The following OGFRL1 variants were observed in gnomAD, a reference collection of about 807,000 sequenced individuals.
OGFRL1 encodes the protein opioid growth factor receptor-like protein 1.
In OGFRL1, 26 loss-of-function variants were observed where a neutral mutation model predicts 32.4. That is an observed-to-expected ratio of 0.80 (90% CI 0.59 to 1.11). OGFRL1 has a LOEUF of 1.11. OGFRL1 is among the 50% of genes most tolerant of loss of function. OGFRL1 has a pLI of 0.00. For synonymous variants in OGFRL1, 211 were observed against 201.2 expected (o/e 1.05, Z -0.41); for missense variants, 521 against 546.4 (o/e 0.95, Z 0.46).
intron 6 of OGFRL1, among the ~76,000 whole-genome samples, chr6:71,300,051 T>G (rs1307301247): frequency 6.6e-6 from 1 of 152,190 alleles, no homozygotes; most frequent in Non-Finnish European, 1.5e-5. Context: ...AACATCTTTC[T>G]CCCTGCTTCC....
At chr6:71,289,587 A>T (rs1487593207) in intron 1 of OGFRL1, 1 of 971,792 alleles carries the variant, frequency 1.0e-6, no homozygotes, top group South Asian at 4.8e-5. Context: ...AAAATTACTC[A>T]GAATAAGGTG....
chr6:71,298,000 G>T, intron 6 of OGFRL1, among the ~76,000 whole-genome samples: 1 of 128,236 alleles, frequency 7.8e-6, no homozygotes, highest in African/African-American at 3.0e-5. Context: ...TCCCCTTCCT[G>T]TGTCCATGTG....
chr6:71,299,049 A>G (rs1038717575), intron 6 of OGFRL1, among the ~76,000 whole-genome samples: 1 of 152,218 alleles, frequency 6.6e-6, no homozygotes, highest in Non-Finnish European at 1.5e-5. Flanking sequence ...GTACAAATAT[A>G]TGGACCAACC....
In OGFRL1 at chr6:71,306,799, TC is replaced by T. The variant is rs1450914082; in HGVS notation, c.*4752del. 6.6e-6 allele frequency: 1 copy of T among 152,232 alleles called. No individual in the cohort carries two copies. The highest frequency in any genetic ancestry group is 1.5e-5 in the Non-Finnish European group (1 of 68,030). The allele number at this position is 152,232 out of a possible 1,614,324, so 9.4% of individuals were successfully genotyped here. A position where few individuals can be genotyped will look rare whatever the true frequency, so the allele number is the denominator to read the frequency against. On this transcript the variant is annotated 3_prime_UTR_variant, in exon 7 of 7. Coordinates refer to ENST00000370435, the MANE Select transcript of OGFRL1 (RefSeq NM_024576.5). ...ATACTATAATTTTCATTTTAAACGT[TC>T]CTTAGTTACTACAAATAATATTTAT...
Position 71,289,023 on chromosome 6 carries a change from C to G in OGFRL1, c.87C>G (p.Pro29=). 2 of 1,354,318 alleles carry G rather than the reference C, an allele frequency of 1.5e-6. No individual in the cohort carries two copies. Among genetic ancestry groups the G allele is most frequent in the Non-Finnish European group, 1.9e-6 (2 of 1,036,120 alleles). 83.9% of individuals were successfully genotyped at this position (1,354,318 alleles called of 1,614,324 possible). ...CCACCTGGCAGACCGACTCGGAGCC[C>G]GAGCCCGAAGAACCAGGGCCGGGCG... The part of the protein sequence containing the change: ...CDSTWQTDSE[P]EPEEPGPGGG... The change falls in exon 1 of 7, where the codon CCC becomes CCG. Residue 29 remains proline, a synonymous_variant. Transcript: ENST00000370435.
chr6:71,300,283 G>C (rs1766340255), intron 6 of OGFRL1, among the ~76,000 whole-genome samples: 1 of 152,164 alleles, frequency 6.6e-6, no homozygotes, highest in Admixed American at 6.5e-5. Flanking sequence ...TGATTCTTTT[G>C]GAATTTGACC....
At position 71,296,705 on chromosome 6, in the gene OGFRL1, T is replaced by C; in HGVS notation, c.580T>C (p.Phe194Leu). 6.2e-7 allele frequency: 1 copy of C among 1,612,612 alleles called. No individual in the cohort carries two copies. Among genetic ancestry groups the C allele is most frequent in the South Asian group, 1.1e-5 (1 of 90,840 alleles). ...FKKTKEAIRR[F>L]LLAYKMMLEF... ...AAAAACAAAAGAAGCAATTAGAAGA[T>C]TCCTCCTGGCTTATAAAATGATGCT... Residue 194 changes from phenylalanine (F) to leucine (L), a missense_variant, in exon 6 of 7, where the codon TTC (phenylalanine) becomes CTC (leucine). Phe to Leu is a conservative substitution (Grantham distance 22, BLOSUM62 0). Coordinates refer to ENST00000370435, the MANE Select transcript of OGFRL1 (RefSeq NM_024576.5).
In OGFRL1 at chr6:71,307,010, GTTCT is replaced by G. The variant is rs1339351889; in HGVS notation, c.*4964_*4967del. On this transcript the variant is annotated 3_prime_UTR_variant, in exon 7 of 7. Transcript: ENST00000370435. ...GCATTTTTCCTAGACTACAGAGAGT[GTTCT>G]TTGTCATTTTTTTTCCTATTCTGTT... 6.6e-6 allele frequency: 1 copy of G among 152,108 alleles called. No homozygotes were observed. The highest frequency in any genetic ancestry group is 1.5e-5 in the Non-Finnish European group (1 of 68,006). 9.4% of individuals were successfully genotyped at this position (152,108 alleles called of 1,614,324 possible).
rs901706128 is a variant in OGFRL1, at chr6:71,303,195, A to G, written c.*1146A>G. 9.3e-4 allele frequency: 141 copies of G among 152,220 alleles called. 9 individuals carry two copies. Among genetic ancestry groups the G allele is most frequent in the Admixed American group, 6.5e-5 (1 of 15,280 alleles). The allele number at this position is 152,220 out of a possible 1,614,324, so 9.4% of individuals were successfully genotyped here. ...TTGACATAGCATTTATATTGTATGTATTAGGTATTGTAAGTAATTTAGAGA... is the reference window on the plus strand; with the variant it reads ...TTGACATAGCATTTATATTGTATGTGTTAGGTATTGTAAGTAATTTAGAGA... On this transcript the variant is annotated 3_prime_UTR_variant, in exon 7 of 7. Transcript: ENST00000370435.
In OGFRL1 at chr6:71,288,956, G is replaced by T; in HGVS notation, c.20G>T (p.Gly7Val). Reference sequence around the variant, plus strand: ...TCTTCAATGGGCAACCTGCTCGGCGGGGTCAGCTTCCGCGAGCCCACCACC... The same window carrying T: ...TCTTCAATGGGCAACCTGCTCGGCGTGGTCAGCTTCCGCGAGCCCACCACC... MGNLLG[G>V]VSFREPTTVE... The change falls in exon 1 of 7, where the codon GGG becomes GTG. Residue 7 changes from glycine to valine, a missense_variant. Gly to Val is a moderately radical substitution (Grantham distance 109). Transcript: ENST00000370435. 2.9e-6 allele frequency: 4 copies of T among 1,383,524 alleles called. No individual in the cohort carries two copies. The highest frequency in any genetic ancestry group is 3.8e-6 in the Non-Finnish European group (4 of 1,053,206). The allele number at this position is 1,383,524 out of a possible 1,614,324, so 85.7% of individuals were successfully genotyped here.
Position 71,302,107 on chromosome 6 carries a change from T to A in OGFRL1, c.*58T>A. ...AGAGAGGAAAAAACTACTGTATCAT[T>A]TATCCTAAAGAACAGAGATGAGGTC... On this transcript the variant is annotated 3_prime_UTR_variant, in exon 7 of 7. Coordinates refer to ENST00000370435, the MANE Select transcript of OGFRL1 (RefSeq NM_024576.5). 1 of 1,397,484 alleles carries A rather than the reference T, an allele frequency of 7.2e-7. No individual in the cohort carries two copies. Among genetic ancestry groups the A allele is most frequent in the Non-Finnish European group, 9.4e-7 (1 of 1,061,618 alleles). The allele number at this position is 1,397,484 out of a possible 1,614,324, so 86.6% of individuals were successfully genotyped here. A position where few individuals can be genotyped will look rare whatever the true frequency, so the allele number is the denominator to read the frequency against.
In OGFRL1 at chr6:71,289,441, G is replaced by A; in HGVS notation, c.234+271G>A. On this transcript the variant is annotated intron_variant, in intron 1 of 6. Transcript: ENST00000370435. Reference sequence around the variant, plus strand: ...CTCAAGGCAGAACCCAACTTGAATGGGTGTTTTCTTTGCCTCTGCAGAGCA... The same window carrying A: ...CTCAAGGCAGAACCCAACTTGAATGAGTGTTTTCTTTGCCTCTGCAGAGCA... The A allele has an allele frequency of 5.1e-6, 5 of 984,152 alleles. No individual in the cohort carries two copies. The South Asian group carries it at 2.4e-4, about 46-fold the overall frequency. 61.0% of individuals were successfully genotyped at this position (984,152 alleles called of 1,614,324 possible).
rs377761343 is a variant in OGFRL1, at chr6:71,293,399, T to C, written c.321+20T>C. 1 of 1,602,954 alleles carries C rather than the reference T, an allele frequency of 6.2e-7. No homozygotes were observed. Among genetic ancestry groups the C allele is most frequent in the Non-Finnish European group, 8.5e-7 (1 of 1,173,494 alleles). ...TACCCAGTAAGAGTATAGAATGCTATGTTTTAAACTGTAAACTATTTTCCT... is the reference window on the plus strand; with the variant it reads ...TACCCAGTAAGAGTATAGAATGCTACGTTTTAAACTGTAAACTATTTTCCT... On this transcript the variant is annotated intron_variant, in intron 2 of 6. Transcript: ENST00000370435.
chr6:71,293,603 A>G lies in OGFRL1; in HGVS notation c.392A>G (p.Lys131Arg), dbSNP rs765147444. ...TTTTATAAGAATAAAATTCCATTCA[A>G]GCCAGATGGTGAGTAACGTACTACT... ...LRFYKNKIPF[K>R]PDGVYIEEVL... Residue 131 changes from lysine (K) to arginine (R), a missense_variant, in exon 3 of 7, where the codon AAG becomes AGG. By Grantham distance (26) the Lys-to-Arg change is conservative. Coordinates refer to ENST00000370435, the MANE Select transcript of OGFRL1 (RefSeq NM_024576.5). 6.2e-7 allele frequency: 1 copy of G among 1,604,024 alleles called. No individual in the cohort carries two copies. Among genetic ancestry groups the G allele is most frequent in the Non-Finnish European group, 8.5e-7 (1 of 1,171,232 alleles).
rs1199270601 is a variant in OGFRL1 at position 71,304,871 on chromosome 6, A to T, written c.*2822A>T. Reference sequence around the variant, plus strand: ...TAATCATTCAGTGGAGAACAAGTAAAAGGATATCATTCCTTTTGGAGATAA... The same window carrying T: ...TAATCATTCAGTGGAGAACAAGTAATAGGATATCATTCCTTTTGGAGATAA... On this transcript the variant is annotated 3_prime_UTR_variant, in exon 7 of 7. Coordinates refer to ENST00000370435, the MANE Select transcript of OGFRL1 (RefSeq NM_024576.5). 1 of 152,062 alleles carries T rather than the reference A, an allele frequency of 6.6e-6. No individual in the cohort carries two copies. The highest frequency in any genetic ancestry group is 1.5e-5 in the Non-Finnish European group (1 of 67,926). The allele number at this position is 152,062 out of a possible 1,614,324, so 9.4% of individuals were successfully genotyped here. A position where few individuals can be genotyped will look rare whatever the true frequency, so the allele number is the denominator to read the frequency against.
Position 71,288,823 on chromosome 6 carries a change from G to A in OGFRL1, c.-114G>A, listed in dbSNP as rs1049670506. On this transcript the variant is annotated 5_prime_UTR_variant, in exon 1 of 7. Coordinates refer to ENST00000370435, the MANE Select transcript of OGFRL1 (RefSeq NM_024576.5). ...GCCGCGCTGAGGCAGTGCGGGGCGG[G>A]CGCGCCTAGGCTGCCGCCCAGCGCC... 12 of 737,870 alleles carry A rather than the reference G, an allele frequency of 1.6e-5. No individual in the cohort carries two copies. In the African/African-American group the frequency reaches 2.1e-4, roughly 13 times the overall value. The allele number at this position is 737,870 out of a possible 1,614,324, so 45.7% of individuals were successfully genotyped here. A position where few individuals can be genotyped will look rare whatever the true frequency, so the allele number is the denominator to read the frequency against.
At chr6:71,289,898 TGAA>T in intron 1 of OGFRL1, 1 of 828,140 alleles carries the variant, frequency 1.2e-6, no homozygotes, top group Non-Finnish European at 1.5e-6. Flanking sequence ...GCCGACCCCC[TGAA>T]GAAGTGTGCA....
chr6:71,299,792 C>T (rs1766327101), intron 6 of OGFRL1, among the ~76,000 whole-genome samples: 2 of 152,132 alleles, frequency 1.3e-5, no homozygotes, highest in Non-Finnish European at 2.9e-5. Flanking sequence ...AGTGTTACTT[C>T]CTATTCAAAA....
rs765493357 is a variant in OGFRL1, at chr6:71,296,483, TA to T, written c.480-8del. 2 of 1,598,692 alleles carry T rather than the reference TA, an allele frequency of 1.3e-6. No homozygotes were observed. Among genetic ancestry groups the T allele is most frequent in the African/African-American group, 1.4e-5 (1 of 74,016 alleles). On this transcript the variant is annotated splice_polypyrimidine_tract_variant and intron_variant, in intron 4 of 6. Transcript: ENST00000370435. ...CGTTAATAGAAAAATTTTATTTTTT[TA>T]AAATAAATAGGCTTTTCCCCCTGAG...
Sources: gnomAD v4.1 joint callset for allele counts (sites outside exome capture counted in the v4.1 genomes callset) on GRCh38, gnomAD v4.1.1 for gene constraint, MANE v1.5 for transcripts, NCBI Gene and HGNC (gene_info 2026-07-23, HGNC 2026-07-21) for gene names.